Variants in SLC39A9 observed in about 807,000 individuals in gnomAD.
SLC39A9 encodes solute carrier family 39 member 9.
A neutral mutation model predicts 28.4 loss-of-function variants in SLC39A9; 14 were observed. That is an observed-to-expected ratio of 0.49 (90% CI 0.33 to 0.77). The LOEUF (loss-of-function observed/expected upper bound fraction) is 0.77, where lower values mean the gene tolerates loss of function less well. Among genes scored for constraint, SLC39A9 ranks in the 30% least tolerant of loss-of-function variants. SLC39A9 has a pLI of 0.02. For synonymous variants in SLC39A9, 119 were observed against 149.6 expected (o/e 0.80, Z 1.49); for missense variants, 283 against 381.1 (o/e 0.74, Z 2.14).
At chr14:69,458,312 C>T (rs777875209) in intron 6 of SLC39A9, 51 bp from the exon 7 acceptor site, 58 of 1,598,170 alleles carry the variant, frequency 3.6e-5, no homozygotes, top group Non-Finnish European at 4.9e-5. Flanking sequence ...TCTTCCTGAC[C>T]CTGAATTTTA....
intron 1 of SLC39A9, among the ~76,000 whole-genome samples, chr14:69,416,732 G>C (rs917398353): frequency 2.6e-5 from 4 of 152,188 alleles, no homozygotes; most frequent in Non-Finnish European, 4.4e-5. Context: ...GTGATGATGA[G>C]CATTTTTTCA....
chr14:69,432,368 G>T (rs957707629), intron 2 of SLC39A9, among the ~76,000 whole-genome samples: 1 of 152,096 alleles, frequency 6.6e-6, no homozygotes, highest in East Asian at 1.9e-4. Context: ...TTTGAGAAGG[G>T]TCTGTTTATG....
rs866675584 is a variant in SLC39A9, at chr14:69,460,931, G to A, written c.*2338G>A. On this transcript the variant is annotated 3_prime_UTR_variant, in exon 7 of 7. Transcript: ENST00000336643. Reference sequence around the variant, plus strand: ...TTCAGGCAGCAGGGAACCAAGCAGCGTGGCACAGGCCTTCTTGACTGGAGG... The same window carrying A: ...TTCAGGCAGCAGGGAACCAAGCAGCATGGCACAGGCCTTCTTGACTGGAGG... The A allele has an allele frequency of 1.4e-5, 14 of 985,542 alleles. No homozygotes were observed. The highest frequency in any genetic ancestry group is 3.5e-5 in the African/African-American group (2 of 57,228). 61.0% of individuals were successfully genotyped at this position (985,542 alleles called of 1,614,324 possible).
Position 69,446,031 on chromosome 14 carries a change from G to C in SLC39A9, c.403+3765G>C, listed in dbSNP as rs948278815. Among the ~76,000 whole-genome samples, 4 of 151,864 alleles carry C rather than the reference G, an allele frequency of 2.6e-5. No individual in the cohort carries two copies. The East Asian group carries it at 7.7e-4, about 29-fold the overall frequency. ...AACAAATACTGAACTCGTTGTTGTT[G>C]TTGTTGTTGTTGTTGTTTGTAATGG... On this transcript the variant is annotated intron_variant, in intron 3 of 6. Coordinates refer to ENST00000336643, the MANE Select transcript of SLC39A9 (RefSeq NM_018375.5).
intron 6 of SLC39A9, among the ~76,000 whole-genome samples, chr14:69,458,087 A>G (rs1346898803): frequency 6.6e-6 from 1 of 152,236 alleles, no homozygotes; most frequent in Non-Finnish European, 1.5e-5. Flanking sequence ...TTATTCATGA[A>G]TCATAATGTC....
At position 69,459,473 on chromosome 14, in the gene SLC39A9, A is replaced by G; in HGVS notation, c.*880A>G. 1.0e-6 allele frequency: 1 copy of G among 985,238 alleles called. No individual in the cohort carries two copies. Among genetic ancestry groups the G allele is most frequent in the Non-Finnish European group, 1.2e-6 (1 of 829,820 alleles). The allele number at this position is 985,238 out of a possible 1,614,324, so 61.0% of individuals were successfully genotyped here. A position where few individuals can be genotyped will look rare whatever the true frequency, so the allele number is the denominator to read the frequency against. ...TGGAAATTAAGGGATATTAAATTTT[A>G]AGTGATTTTTGGATGGTTATTGATA... On this transcript the variant is annotated 3_prime_UTR_variant, in exon 7 of 7. Coordinates refer to ENST00000336643, the MANE Select transcript of SLC39A9 (RefSeq NM_018375.5).
chr14:69,400,425 G>T (rs191623511), intron 1 of SLC39A9, among the ~76,000 whole-genome samples: 17 of 152,310 alleles, frequency 1.1e-4, no homozygotes, highest in Admixed American at 5.9e-4. Flanking sequence ...CATGCTGATA[G>T]GTCCTTTAGG....
chr14:69,454,828 G>A lies in SLC39A9; in HGVS notation c.489G>A (p.Leu163=). ...VVHAAADGVA[L]GAAASTSQTS... ...CAAATATAGCTGATGGTGTTGCTTT[G>A]GGAGCAGCAGCATCTACTTCACAGA... Residue 163 remains leucine, a synonymous_variant, in exon 5 of 7, where the codon TTG becomes TTA. Transcript: ENST00000336643. 1.2e-6 allele frequency: 2 copies of A among 1,613,780 alleles called. No individual in the cohort carries two copies. Among genetic ancestry groups the A allele is most frequent in the Admixed American group, 3.3e-5 (2 of 59,990 alleles).
At chr14:69,411,079 G>T (rs1233802855) in intron 1 of SLC39A9, among the ~76,000 whole-genome samples, 2 of 151,972 alleles carry the variant, frequency 1.3e-5, no homozygotes, top group African/African-American at 4.8e-5. Context: ...GGGCATGATG[G>T]CACATGCCTG....
At chr14:69,410,754 T>G (rs192664946) in intron 1 of SLC39A9, among the ~76,000 whole-genome samples, 10 of 152,324 alleles carry the variant, frequency 6.6e-5, no homozygotes, top group African/African-American at 9.6e-5. Flanking sequence ...CTTCATAGCC[T>G]GTGATATTTT....
intron 6 of SLC39A9, 52 bp downstream of exon 6, chr14:69,455,918 A>G (rs1209652768): frequency 6.3e-7 from 1 of 1,582,554 alleles, no homozygotes; most frequent in East Asian, 2.3e-5. Flanking sequence ...GATCTCTTAG[A>G]ATTTATGATC....
rs200562708 is a variant in SLC39A9, at chr14:69,458,502, C to T, written c.833C>T (p.Thr278Met). 48 of 1,614,252 alleles carry T rather than the reference C, an allele frequency of 3.0e-5. 1 individual carries two copies. Among genetic ancestry groups the T allele is most frequent in the African/African-American group, 6.7e-5 (5 of 75,064 alleles). The change falls in exon 7 of 7, where the codon ACG becomes ATG. Residue 278 changes from threonine to methionine, a missense_variant. Transcript: ENST00000336643. ...GGGCACAGCCACAAGCCCGATGCCA[C>T]GGGAGGGAGAGGCCTCAGCCGCCTG... is the stretch of plus-strand genomic sequence containing the variant. ...GIGHSHKPDA[T>M]GGRGLSRLEV...
chr14:69,398,508 C>T, upstream of SLC39A9: 1 of 558,780 alleles, frequency 1.8e-6, no homozygotes, highest in South Asian at 2.0e-5. Context: ...CGCTGTCTTC[C>T]GTACTTTCGT....
chr14:69,446,021 C>CGTTGTT (rs34229171), intron 3 of SLC39A9, among the ~76,000 whole-genome samples: 12 of 151,072 alleles, frequency 7.9e-5, no homozygotes, highest in East Asian at 3.9e-4. Context: ...ATACTGAACT[C>CGTTGTT]GTTGTTGTTG....
upstream of SLC39A9, chr14:69,398,665 G>C: frequency 4.0e-6 from 1 of 252,860 alleles, no homozygotes; most frequent in Non-Finnish European, 7.9e-6. Flanking sequence ...GGAGGGGGTG[G>C]TTAGACAATC....
intron 1 of SLC39A9, among the ~76,000 whole-genome samples, chr14:69,414,998 T>A (rs1318758249): frequency 6.6e-6 from 1 of 152,248 alleles, no homozygotes; most frequent in Non-Finnish European, 1.5e-5. Context: ...AGTTTATTCC[T>A]TTTTATTACC....
At chr14:69,424,058 C>G (rs1884051022) in intron 1 of SLC39A9, 36 bp from the exon 2 acceptor site, 4 of 1,517,300 alleles carry the variant, frequency 2.6e-6, no homozygotes, top group African/African-American at 1.4e-5. Flanking sequence ...ATTAATTAAT[C>G]AAAGTTTGCA....
In SLC39A9 at chr14:69,400,996, G is replaced by T. The variant is rs1003773505; in HGVS notation, c.96+1531G>T. ...TCTTTCTCTTAAAAAAAAAAAAAAA[G>T]AAAATAAAAATCAGTGACATATAGA... On this transcript the variant is annotated intron_variant, in intron 1 of 6. Transcript: ENST00000336643. Among the ~76,000 whole-genome samples, 14 of 149,416 alleles carry T rather than the reference G, an allele frequency of 9.4e-5. No individual in the cohort carries two copies. In the East Asian group the frequency reaches 9.7e-4, roughly 10 times the overall value.
chr14:69,429,222 C>G, intron 2 of SLC39A9: 1 of 152,196 alleles, frequency 6.6e-6, no homozygotes, highest in East Asian at 1.9e-4. Context: ...ACAAAAGTGT[C>G]TCACACTTGA....
Sources: gnomAD v4.1 joint callset for allele counts (sites outside exome capture counted in the v4.1 genomes callset) on GRCh38, gnomAD v4.1.1 for gene constraint, MANE v1.5 for transcripts, NCBI Gene and HGNC (gene_info 2026-07-23, HGNC 2026-07-21) for gene names.